The following ITPR2 variants were observed in gnomAD, a reference collection of about 807,000 sequenced individuals.
The protein encoded by ITPR2 is inositol 1,4,5-trisphosphate-gated calcium channel ITPR2.
In ITPR2, 207 loss-of-function variants were observed where a neutral mutation model predicts 317.1. That is an observed-to-expected ratio of 0.65 (90% CI 0.58 to 0.73). ITPR2 has a LOEUF of 0.73. Ranked by LOEUF, ITPR2 falls within the 30% of genes least tolerant of loss-of-function variation. The probability of loss-of-function intolerance (pLI) is 0.00; values close to 1 mark genes in which losing one functional copy is unlikely to be tolerated. For missense variants in ITPR2, 2,613 were observed against 3,284.0 expected, an observed-to-expected ratio of 0.80 and a Z score of 4.99; for synonymous variants, 1,156 against 1,149.1, an observed-to-expected ratio of 1.01 and a Z score of -0.12.
Position 26,790,243 on chromosome 12 carries a change from T to C in ITPR2, c.93-16A>G, listed in dbSNP as rs1163092034. 1.3e-6 allele frequency: 2 copies of C among 1,590,458 alleles called. No individual in the cohort carries two copies. The highest frequency in any genetic ancestry group is 1.7e-6 in the Non-Finnish European group (2 of 1,158,234). On this transcript the variant is annotated splice_polypyrimidine_tract_variant and intron_variant, in intron 1 of 56. Transcript: ENST00000381340. ...ATCCACTAACCTAGAAGGAAAAGCA[T>C]GTTTACATTGTTAACATCCTTGTCA...
chr12:26,622,847 A>T (rs1946531740), intron 24 of ITPR2, among the ~76,000 whole-genome samples: 1 of 152,196 alleles, frequency 6.6e-6, no homozygotes, highest in Non-Finnish European at 1.5e-5. Context: ...GTGAACCAGC[A>T]CCAGAGTGGC....
chr12:26,811,853 GAAA>G (rs35083731), intron 1 of ITPR2, among the ~76,000 whole-genome samples: 3 of 71,908 alleles, frequency 4.2e-5, no homozygotes, highest in Non-Finnish European at 7.5e-5. Context: ...GACTCCGTCT[GAAA>G]AAAAAAAAAA....
intron 13 of ITPR2, among the ~76,000 whole-genome samples, chr12:26,676,558 C>G (rs1210667920): frequency 6.6e-6 from 1 of 150,894 alleles, no homozygotes; most frequent in Non-Finnish European, 1.5e-5. Flanking sequence ...ACCCATAGGC[C>G]TCTCCACTGA....
intron 37 of ITPR2, among the ~76,000 whole-genome samples, chr12:26,543,541 A>C (rs11613180): frequency 0.15 from 23,063 of 152,130 alleles, 2,402 homozygotes; most frequent in Non-Finnish European, 0.23. Context: ...TGGGAGGCTG[A>C]AGCAGGTGGA....
In ITPR2 at chr12:26,602,385, C is replaced by G. The variant is rs780531855; in HGVS notation, c.3663G>C (p.Gln1221His). The G allele has an allele frequency of 1.2e-6, 2 of 1,613,128 alleles. No individual in the cohort carries two copies. The highest frequency in any genetic ancestry group is 8.5e-7 in the Non-Finnish European group (1 of 1,179,514). ...CAGGACTAACCTTTTCATAGGGTAT[C>G]TGCAGAAGATCCAACACCACCGAAT... ...GAHSVVLDLL[Q>H]IPYEKNDEKM... The change falls in exon 28 of 57, where the codon CAG becomes CAC. Residue 1221 changes from glutamine (Q) to histidine (H), a missense_variant. Coordinates refer to ENST00000381340, the MANE Select transcript of ITPR2 (RefSeq NM_002223.4).
At chr12:26,656,694 A>C in intron 18 of ITPR2, 146 bp from the exon 19 acceptor site, 1 of 787,992 alleles carries the variant, frequency 1.3e-6, no homozygotes. Flanking sequence ...TAGTATGTTA[A>C]CCATTAAGAT....
chr12:26,355,237 T>C (rs990807967), intron 55 of ITPR2, among the ~76,000 whole-genome samples: 1 of 152,240 alleles, frequency 6.6e-6, no homozygotes, highest in African/African-American at 2.4e-5. Context: ...TCATCGTACA[T>C]GCTGATTTGG....
intron 45 of ITPR2, among the ~76,000 whole-genome samples, chr12:26,463,402 C>G (rs777486157): frequency 6.6e-6 from 1 of 152,048 alleles, no homozygotes; most frequent in Non-Finnish European, 1.5e-5. Flanking sequence ...CTCGGTGGCT[C>G]ACGCCTGTAA....
intron 11 of ITPR2, among the ~76,000 whole-genome samples, chr12:26,684,936 G>GA (rs1042842034): frequency 5.6e-4 from 82 of 146,876 alleles, no homozygotes; most frequent in African/African-American, 1.5e-3. Flanking sequence ...TATATTGATG[G>GA]AAAAAAAAAA....
chr12:26,609,477 C>T (rs936963706), intron 26 of ITPR2, among the ~76,000 whole-genome samples: 1 of 152,058 alleles, frequency 6.6e-6, no homozygotes, highest in African/African-American at 2.4e-5. Context: ...CGTGGTGGTG[C>T]ACACATATGG....
rs558546368 is a variant in ITPR2, at chr12:26,476,877, C to T, written c.6219+35G>A. The T allele has an allele frequency of 5.2e-5, 75 of 1,442,622 alleles. No homozygotes were observed. In the East Asian group the frequency reaches 1.6e-3, roughly 31 times the overall value. The allele number at this position is 1,442,622 out of a possible 1,614,324, so 89.4% of individuals were successfully genotyped here. A position where few individuals can be genotyped will look rare whatever the true frequency, so the allele number is the denominator to read the frequency against. On this transcript the variant is annotated intron_variant, in intron 44 of 56. Coordinates refer to ENST00000381340, the MANE Select transcript of ITPR2 (RefSeq NM_002223.4). ...CTCTAAATTTTTTCCTTTTAGGCTACCCAATATTGACCAAGCTTTTAAAAG... is the reference window on the plus strand; with the variant it reads ...CTCTAAATTTTTTCCTTTTAGGCTATCCAATATTGACCAAGCTTTTAAAAG...
At chr12:26,800,076 C>G (rs1323354797) in intron 1 of ITPR2, among the ~76,000 whole-genome samples, 3 of 152,130 alleles carry the variant, frequency 2.0e-5, no homozygotes, top group Non-Finnish European at 4.4e-5. Context: ...ATCAGAAACC[C>G]ACCTAGTCTC....
chr12:26,790,574 T>TA (rs1950324245), intron 1 of ITPR2, among the ~76,000 whole-genome samples: 1 of 113,546 alleles, frequency 8.8e-6, no homozygotes, highest in African/African-American at 3.1e-5. Context: ...ATCAATAAGA[T>TA]ACATATATGC....
chr12:26,631,222 T>C (rs532094736), intron 22 of ITPR2, among the ~76,000 whole-genome samples: 1 of 152,308 alleles, frequency 6.6e-6, no homozygotes, highest in South Asian at 2.1e-4. Context: ...TAAGAATTTA[T>C]AGCTCTCGTA....
Position 26,487,194 on chromosome 12 carries a change from G to A in ITPR2, c.5428C>T (p.Leu1810Phe), listed in dbSNP as rs769663266. The A allele has an allele frequency of 1.5e-5, 24 of 1,610,768 alleles. No individual in the cohort carries two copies. Among genetic ancestry groups the A allele is most frequent in the Non-Finnish European group, 2.0e-5 (24 of 1,179,094 alleles). The change falls in exon 40 of 57, where the codon CTC becomes TTC. Residue 1810 changes from leucine (L) to phenylalanine (F), a missense_variant. Physicochemically the swap from Leu to Phe is conservative, Grantham distance 22. Coordinates refer to ENST00000381340, the MANE Select transcript of ITPR2 (RefSeq NM_002223.4). ...TGAGCAGCCTTCATTCGATCATAGA[G>A]AACTTTAAAGAATTTTTCTGACTTT... Reference protein sequence around the residue: ...QKKSEKFFKVLYDRMKAAQKE... With the variant: ...QKKSEKFFKVFYDRMKAAQKE...
chr12:26,612,583 A>G (rs1946292595), intron 26 of ITPR2, among the ~76,000 whole-genome samples: 1 of 152,118 alleles, frequency 6.6e-6, no homozygotes, highest in Non-Finnish European at 1.5e-5. Context: ...TGTTCCCCTT[A>G]TATTAATTCA....
In ITPR2 at chr12:26,612,450, T is replaced by C. The variant is rs149685584; in HGVS notation, c.3462+8673A>G. Among the ~76,000 whole-genome samples, 34 of 152,342 alleles carry C rather than the reference T, an allele frequency of 2.2e-4. No homozygotes were observed. The East Asian group carries it at 5.0e-3, about 22-fold the overall frequency. ...TGCTGCCTGCTACTGGCTGTTTCCA[T>C]TGATACTGTGATATATTTCATCCTG... On this transcript the variant is annotated intron_variant, in intron 26 of 56. Transcript: ENST00000381340.
chr12:26,515,837 TG>T (rs1344697749), intron 37 of ITPR2, among the ~76,000 whole-genome samples: 2 of 151,506 alleles, frequency 1.3e-5, no homozygotes, highest in Non-Finnish European at 2.9e-5. Context: ...GGCCCGGGTA[TG>T]GTGGCTCATG....
chr12:26,619,415 A>C (rs1401560784), intron 26 of ITPR2, among the ~76,000 whole-genome samples: 2 of 152,204 alleles, frequency 1.3e-5, no homozygotes, highest in East Asian at 3.8e-4. Context: ...CAGGTAATTC[A>C]GGGTGGTGTA....
Sources: allele counts gnomAD v4.1 joint callset (sites outside exome capture counted in the v4.1 genomes callset), GRCh38; gene constraint gnomAD v4.1.1; transcripts MANE v1.5; gene names NCBI Gene and HGNC (gene_info 2026-07-23, HGNC 2026-07-21).